Variants in PPP1R1C observed in about 807,000 individuals in gnomAD.
PPP1R1C encodes the protein protein phosphatase 1 regulatory inhibitor subunit 1C, also known as protein phosphatase 1 regulatory subunit 1C.
In PPP1R1C, 15 loss-of-function variants were observed where a neutral mutation model predicts 17.4. The observed-to-expected ratio is 0.86, with a 90% CI of 0.58 to 1.33. The LOEUF (loss-of-function observed/expected upper bound fraction) is 1.33. PPP1R1C is among the 40% of genes most tolerant of loss of function. The pLI is 0.00. For missense variants in PPP1R1C, 143 were observed against 130.0 expected (o/e 1.10, Z -0.48); for synonymous variants, 35 against 43.1 (o/e 0.81, Z 0.73).
intron 4 of PPP1R1C, among the ~76,000 whole-genome samples, chr2:182,069,480 G>A (rs976411830): frequency 8.6e-5 from 13 of 151,858 alleles, no homozygotes; most frequent in African/African-American, 3.1e-4. Context: ...TCAACATTGA[G>A]AGAGAATGAA....
chr2:182,092,706 A>G (rs1688817944), intron 4 of PPP1R1C, among the ~76,000 whole-genome samples: 2 of 152,214 alleles, frequency 1.3e-5, no homozygotes, highest in Non-Finnish European at 2.9e-5. Flanking sequence ...GCCCAATGCA[A>G]GTCCAAAATC....
chr2:181,956,485 T>C (rs1007139480), intron 1 of PPP1R1C, among the ~76,000 whole-genome samples: 1 of 152,244 alleles, frequency 6.6e-6, no homozygotes, highest in African/African-American at 2.4e-5. Flanking sequence ...TCTGCCACAA[T>C]GGTTGAACTA....
At chr2:182,006,240 G>A (rs1205905410) in intron 2 of PPP1R1C, among the ~76,000 whole-genome samples, 1 of 152,056 alleles carries the variant, frequency 6.6e-6, no homozygotes, top group African/African-American at 2.4e-5. Flanking sequence ...ACTAAATAAA[G>A]ACTTCATGAT....
intron 2 of PPP1R1C, among the ~76,000 whole-genome samples, chr2:182,058,630 T>C (rs1167496071): frequency 6.6e-6 from 1 of 152,162 alleles, no homozygotes; most frequent in Admixed American, 6.6e-5. Context: ...TTATGCTTCC[T>C]CTTTCCCATT....
At chr2:181,977,892 G>A (rs764534559) in intron 2 of PPP1R1C, among the ~76,000 whole-genome samples, 7 of 152,166 alleles carry the variant, frequency 4.6e-5, no homozygotes, top group Non-Finnish European at 1.0e-4. Flanking sequence ...CTCAAAGTCT[G>A]GGCTCCACTG....
intron 4 of PPP1R1C, among the ~76,000 whole-genome samples, chr2:182,065,239 G>A (rs1275545018): frequency 2.0e-5 from 3 of 152,016 alleles, no homozygotes. Context: ...GAGGATATCA[G>A]GGTATTACTA....
intron 2 of PPP1R1C, among the ~76,000 whole-genome samples, chr2:182,027,386 T>C (rs1356921393): frequency 7.2e-6 from 1 of 138,172 alleles, no homozygotes; most frequent in Non-Finnish European, 1.5e-5. Flanking sequence ...ATACGTCCCA[T>C]CAATACCTAA....
intron 5 of PPP1R1C, among the ~76,000 whole-genome samples, chr2:182,126,096 A>T (rs1233152086): frequency 6.6e-6 from 1 of 152,048 alleles, no homozygotes; most frequent in African/African-American, 2.4e-5. Context: ...ACTTAAGTGT[A>T]AGTATTACAG....
chr2:182,120,809 C>G (rs1689716512), downstream of PPP1R1C, among the ~76,000 whole-genome samples: 1 of 151,948 alleles, frequency 6.6e-6, no homozygotes, highest in Admixed American at 6.6e-5. Flanking sequence ...GGGTAATATA[C>G]AGTATAGCTT....
chr2:181,966,499 TA>T (rs1242119399), intron 1 of PPP1R1C, among the ~76,000 whole-genome samples: 14 of 151,878 alleles, frequency 9.2e-5, no homozygotes, highest in East Asian at 1.9e-4. Context: ...GTTTTTTTAG[TA>T]TTTTTTTTCA....
chr2:182,045,971 CATG>C (rs1033502680), intron 2 of PPP1R1C, among the ~76,000 whole-genome samples: 2 of 152,018 alleles, frequency 1.3e-5, no homozygotes, highest in Non-Finnish European at 2.9e-5. Context: ...AAATATACAA[CATG>C]ATGTTTTGAT....
intron 4 of PPP1R1C, among the ~76,000 whole-genome samples, chr2:182,091,098 G>A (rs1688766664): frequency 6.6e-6 from 1 of 152,090 alleles, no homozygotes; most frequent in Admixed American, 6.6e-5. Flanking sequence ...AACCTTAAAG[G>A]AGTAATAAAT....
At chr2:182,065,237 C>T (rs982219236) in intron 4 of PPP1R1C, among the ~76,000 whole-genome samples, 2 of 151,966 alleles carry the variant, frequency 1.3e-5, no homozygotes, top group African/African-American at 4.8e-5. Flanking sequence ...AAGAGGATAT[C>T]AGGGTATTAC....
chr2:182,028,166 C>T (rs1360527183), intron 2 of PPP1R1C, among the ~76,000 whole-genome samples: 1 of 133,998 alleles, frequency 7.5e-6, no homozygotes, highest in Non-Finnish European at 1.6e-5. Context: ...AAACCAGCTC[C>T]TGGATTCATT....
chr2:181,981,078 G>C (rs1265797944), upstream of PPP1R1C, among the ~76,000 whole-genome samples: 1 of 151,546 alleles, frequency 6.6e-6, no homozygotes. Flanking sequence ...ACAGGCGCCC[G>C]CCACTACGCC....
intron 2 of PPP1R1C, among the ~76,000 whole-genome samples, chr2:182,041,655 G>A (rs1687187025): frequency 2.0e-5 from 3 of 149,762 alleles, no homozygotes; most frequent in Admixed American, 6.7e-5. Context: ...AGCCACTTTC[G>A]GTATATAAAC....
intron 2 of PPP1R1C, among the ~76,000 whole-genome samples, chr2:182,040,034 T>C (rs903574989): frequency 6.6e-6 from 1 of 152,230 alleles, no homozygotes; most frequent in Admixed American, 6.5e-5. Flanking sequence ...GATACCACAT[T>C]TTCTTCATCC....
At chr2:182,053,522 GATTTTTCCACAGTTAATA>G (rs1212883951) in intron 2 of PPP1R1C, among the ~76,000 whole-genome samples, 1 of 152,030 alleles carries the variant, frequency 6.6e-6, no homozygotes, top group Non-Finnish European at 1.5e-5. Context: ...TTGCAGGTGA[GATTTTTCCACAGTTAATA>G]ATTGTCCTTT....
chr2:182,093,914 T>G (rs1688858033), intron 4 of PPP1R1C, among the ~76,000 whole-genome samples: 1 of 152,242 alleles, frequency 6.6e-6, no homozygotes, highest in East Asian at 1.9e-4. Context: ...CCCTTCAAAC[T>G]GTTCCAACTC....
Sources: allele counts gnomAD v4.1 joint callset (sites outside exome capture counted in the v4.1 genomes callset), GRCh38; gene constraint gnomAD v4.1.1; transcripts MANE v1.5; gene names NCBI Gene and HGNC (gene_info 2026-07-23, HGNC 2026-07-21).